The following WFDC9 variants were observed in gnomAD, a reference collection of about 807,000 sequenced individuals.
The protein encoded by WFDC9 is protein WFDC9.
In WFDC9, 9 loss-of-function variants were observed where a neutral mutation model predicts 9.5. That is an observed-to-expected ratio of 0.95 (90% CI 0.57 to 1.65). The LOEUF (loss-of-function observed/expected upper bound fraction) is 1.65. WFDC9 is among the 40% of genes most tolerant of loss of function. WFDC9 has a pLI of 0.00. For missense variants in WFDC9, 87 were observed against 106.7 expected, an observed-to-expected ratio of 0.82 and a Z score of 0.81; for synonymous variants, 33 against 32.3, an observed-to-expected ratio of 1.02 and a Z score of -0.07.
intron 2 of WFDC9, among the ~76,000 whole-genome samples, chr20:45,612,119 G>T (rs1316897679): frequency 2.8e-4 from 43 of 152,098 alleles, no homozygotes; most frequent in Admixed American, 2.8e-3. Flanking sequence ...CTAAGCATAG[G>T]ACCTGGAATA....
In WFDC9 at chr20:45,630,876, A is replaced by G. The variant is rs779621830; in HGVS notation, c.-153+327T>C. On this transcript the variant is annotated intron_variant, in intron 1 of 4. Transcript: ENST00000326000. ...GTTCTATTCTCCTTGTCAGAAACAC[A>G]GCTATCCCCAGAAATCAAAGTCTGC... 18 of 1,599,260 alleles carry G rather than the reference A, an allele frequency of 1.1e-5. 1 individual carries two copies. The South Asian group carries it at 2.0e-4, about 18-fold the overall frequency.
intron 4 of WFDC9, 74 bp downstream of exon 4, chr20:45,608,589 G>T: frequency 1.3e-6 from 2 of 1,518,186 alleles, no homozygotes. Context: ...GGTGGCTGCG[G>T]TCTTTTGAAT....
intron 1 of WFDC9, among the ~76,000 whole-genome samples, chr20:45,616,870 T>C (rs1166010280): frequency 1.3e-5 from 2 of 152,172 alleles, no homozygotes; most frequent in Non-Finnish European, 2.9e-5. Context: ...AGAGCAGAGT[T>C]AGCATAGTTT....
chr20:45,622,018 G>A (rs1158507963), intron 1 of WFDC9, among the ~76,000 whole-genome samples: 2 of 151,600 alleles, frequency 1.3e-5, no homozygotes, highest in Admixed American at 6.7e-5. Flanking sequence ...AGTGGTTCTA[G>A]ATTTATTTTC....
At chr20:45,615,543 A>C (rs1981954147) in intron 1 of WFDC9, among the ~76,000 whole-genome samples, 1 of 152,198 alleles carries the variant, frequency 6.6e-6, no homozygotes. Flanking sequence ...GTAATATTGC[A>C]ATAAAGTGAG....
At chr20:45,615,572 T>C (rs1278506159) in intron 1 of WFDC9, among the ~76,000 whole-genome samples, 1 of 152,174 alleles carries the variant, frequency 6.6e-6, no homozygotes, top group Non-Finnish European at 1.5e-5. Context: ...ACTTTTTTGG[T>C]TTCCCAGTGC....
intron 1 of WFDC9, chr20:45,630,732 G>A: frequency 1.0e-6 from 1 of 963,488 alleles, no homozygotes; most frequent in Non-Finnish European, 1.5e-6. Context: ...GTGATGGGCA[G>A]GAAGGTAGTT....
At chr20:45,609,540 C>T (rs1003767675) in intron 3 of WFDC9, among the ~76,000 whole-genome samples, 1 of 152,054 alleles carries the variant, frequency 6.6e-6, no homozygotes, top group African/African-American at 2.4e-5. Context: ...ATGATGCCAC[C>T]TAAGAAGTCA....
chr20:45,608,938 T>A, intron 3 of WFDC9, 128 bp from the exon 4 acceptor site: 1 of 1,057,540 alleles, frequency 9.5e-7, no homozygotes, highest in Non-Finnish European at 1.3e-6. Context: ...TCCAAGAAAA[T>A]CCCTTCCTCA....
chr20:45,629,351 TTAAA>T (rs752641346), intron 1 of WFDC9, among the ~76,000 whole-genome samples: 4 of 152,148 alleles, frequency 2.6e-5, no homozygotes, highest in Admixed American at 6.5e-5. Context: ...ACTTACATGA[TTAAA>T]TAAGGGTGGC....
rs139970484 is a variant in WFDC9, at chr20:45,619,268, A to C, written c.-152-4547T>G. Among the ~76,000 whole-genome samples, 905 of 152,254 alleles carry C rather than the reference A, an allele frequency of 5.9e-3. 7 individuals are homozygous for C. Among genetic ancestry groups the C allele is most frequent in the African/African-American group, 0.018 (759 of 41,548 alleles). ...GGAGAGCTGAGGAGCACAGTCACTA[A>C]TGAGTAGCCCAGGAGTGCCAAGGAC... is the stretch of plus-strand genomic sequence containing the variant. On this transcript the variant is annotated intron_variant, in intron 1 of 4. Transcript: ENST00000326000.
chr20:45,628,815 A>G (rs534400667), intron 1 of WFDC9, among the ~76,000 whole-genome samples: 13 of 152,360 alleles, frequency 8.5e-5, no homozygotes, highest in Non-Finnish European at 1.9e-4. Flanking sequence ...TTAGAAGATT[A>G]TCATCATCAG....
At chr20:45,612,867 A>C (rs185591982) in intron 2 of WFDC9, among the ~76,000 whole-genome samples, 1 of 152,178 alleles carries the variant, frequency 6.6e-6, no homozygotes, top group African/African-American at 2.4e-5. Context: ...TACCCCCCTC[A>C]TTCTCTATTG....
intron 2 of WFDC9, among the ~76,000 whole-genome samples, chr20:45,610,865 C>T (rs182940812): frequency 1.8e-4 from 27 of 152,258 alleles, no homozygotes; most frequent in Admixed American, 2.6e-4. Context: ...TCGTGAAAGC[C>T]GGAATGCTGC....
At position 45,631,274 on chromosome 20, in the gene WFDC9, G is replaced by A. The variant is rs761100715; in HGVS notation, c.-224C>T. On this transcript the variant is annotated 5_prime_UTR_variant, in exon 1 of 5. It adds an upstream start codon to the 5' untranslated region. Transcript: ENST00000326000. ...CCTACAGATGCCCCACTTGTCTTGC[G>A]TCCTGGTGTTCAATTTCTCTCCCTG... 15 of 319,526 alleles carry A rather than the reference G, an allele frequency of 4.7e-5. No homozygotes were observed. Among genetic ancestry groups the A allele is most frequent in the South Asian group, 1.3e-4 (1 of 7,604 alleles). The allele number at this position is 319,526 out of a possible 1,614,324, so 19.8% of individuals were successfully genotyped here. A position where few individuals can be genotyped will look rare whatever the true frequency, so the allele number is the denominator to read the frequency against.
At chr20:45,628,506 C>T (rs1207597780) in intron 1 of WFDC9, among the ~76,000 whole-genome samples, 1 of 152,090 alleles carries the variant, frequency 6.6e-6, no homozygotes, top group Admixed American at 6.6e-5. Flanking sequence ...TCTATATAAC[C>T]CCTCTTTGCT....
chr20:45,621,811 C>G (rs141438464), intron 1 of WFDC9, among the ~76,000 whole-genome samples: 2,111 of 152,268 alleles, frequency 0.014, 88 homozygotes, highest in Admixed American at 0.098. Flanking sequence ...AAGCATGCAC[C>G]TGATTTCTTC....
chr20:45,615,826 C>A (rs1417045911), intron 1 of WFDC9, among the ~76,000 whole-genome samples: 1 of 152,122 alleles, frequency 6.6e-6, no homozygotes, highest in African/African-American at 2.4e-5. Context: ...TATGTTTACA[C>A]TATGCTGTAG....
At chr20:45,614,364 G>T (rs1981928105) in intron 2 of WFDC9, among the ~76,000 whole-genome samples, 1 of 152,164 alleles carries the variant, frequency 6.6e-6, no homozygotes, top group Non-Finnish European at 1.5e-5. Context: ...CAGAACTACT[G>T]CTCTCCACCA....
Sources: gnomAD v4.1 joint callset for allele counts (sites outside exome capture counted in the v4.1 genomes callset) on GRCh38, gnomAD v4.1.1 for gene constraint, MANE v1.5 for transcripts, NCBI Gene and HGNC (gene_info 2026-07-23, HGNC 2026-07-21) for gene names.